Variants in HDAC9 observed in about 807,000 individuals in gnomAD.
The protein encoded by HDAC9 is histone deacetylase 9.
Under a neutral mutation model 139.4 loss-of-function variants are expected in HDAC9, and 41 were observed. The ratio of observed to expected loss-of-function variants is 0.29; its 90% confidence interval spans 0.23 to 0.38. HDAC9 has a LOEUF of 0.38. Ranked by LOEUF, HDAC9 falls within the 10% of genes least tolerant of loss-of-function variation. The pLI is 1.00. For missense variants in HDAC9, 1,147 were observed against 1,297.0 expected, an observed-to-expected ratio of 0.88 and a Z score of 1.78; for synonymous variants, 517 against 476.2, an observed-to-expected ratio of 1.09 and a Z score of -1.12.
intron 24 of HDAC9, among the ~76,000 whole-genome samples, chr7:18,973,962 A>T (rs73067235): frequency 1.3e-5 from 2 of 152,262 alleles, no homozygotes; most frequent in Non-Finnish European, 2.9e-5. Flanking sequence ...ATGCCCCCTG[A>T]TCATCCTCAG....
rs577793857 is a variant in HDAC9, at chr7:18,339,374, T to A, written c.-42+48859T>A. Among the ~76,000 whole-genome samples, 6 of 151,594 alleles carry A rather than the reference T, an allele frequency of 4.0e-5. No individual in the cohort carries two copies. The South Asian group carries it at 1.2e-3, about 31-fold the overall frequency. Reference sequence around the variant, plus strand: ...AGCTGAAGCAATTGGCTTAAGATCTTTCTTCTTTTCTACTATAGGCACTTA... The same window carrying A: ...AGCTGAAGCAATTGGCTTAAGATCTATCTTCTTTTCTACTATAGGCACTTA... On this transcript the variant is annotated intron_variant, in intron 1 of 3. Coordinates refer to the HDAC9 transcript ENST00000413509.
intron 2 of HDAC9, among the ~76,000 whole-genome samples, chr7:18,502,816 A>T (rs1233058140): frequency 6.6e-6 from 1 of 152,218 alleles, no homozygotes; most frequent in African/African-American, 2.4e-5. Context: ...GAGAGTCAAC[A>T]TTGTGGCCTC....
At position 18,936,373 on chromosome 7, in the gene HDAC9, A is replaced by G. The variant is rs77248165; in HGVS notation, c.2937+431A>G. 5.9e-3 allele frequency among the ~76,000 whole-genome samples: 898 copies of G among 152,352 alleles called. 22 individuals carry two copies. Among genetic ancestry groups the G allele is most frequent in the East Asian group, 0.053 (276 of 5,186 alleles). Reference sequence around the variant, plus strand: ...GCTAAGAGGTAGGTATTTCCATCTTACAGATGGTGAGAATGAGTCTCAAAA... The same window carrying G: ...GCTAAGAGGTAGGTATTTCCATCTTGCAGATGGTGAGAATGAGTCTCAAAA... On this transcript the variant is annotated intron_variant, in intron 23 of 25. Coordinates refer to ENST00000686413, the MANE Select transcript of HDAC9 (RefSeq NM_178425.4).
At chr7:18,188,507 A>G (rs1244514967) in intron 2 of HDAC9, among the ~76,000 whole-genome samples, 1 of 152,244 alleles carries the variant, frequency 6.6e-6, no homozygotes, top group African/African-American at 2.4e-5. Context: ...ATGGGATCTA[A>G]TTAAACTAAA....
intron 1 of HDAC9, among the ~76,000 whole-genome samples, chr7:18,384,267 C>T (rs899633331): frequency 3.0e-4 from 46 of 151,584 alleles, no homozygotes; most frequent in African/African-American, 8.3e-4. Context: ...GTCACTGTGC[C>T]GCTGCACTTC....
chr7:18,809,885 T>A (rs114055843), intron 17 of HDAC9, among the ~76,000 whole-genome samples: 1 of 151,958 alleles, frequency 6.6e-6, no homozygotes, highest in South Asian at 2.1e-4. Context: ...TACAGAGGAA[T>A]TGAAATCAGG....
intron 1 of HDAC9, among the ~76,000 whole-genome samples, chr7:18,303,423 G>GTGTGTT (rs1562856311): frequency 9.0e-6 from 1 of 110,874 alleles, no homozygotes; most frequent in African/African-American, 6.8e-5. Flanking sequence ...GTGTGTGTGT[G>GTGTGTT]TTTTTAGTAG....
intron 13 of HDAC9, among the ~76,000 whole-genome samples, chr7:18,747,511 C>T (rs1371877042): frequency 6.6e-6 from 1 of 152,130 alleles, no homozygotes; most frequent in Non-Finnish European, 1.5e-5. Context: ...CTTTTGTAAA[C>T]ATGGGTAATA....
intron 25 of HDAC9, among the ~76,000 whole-genome samples, chr7:18,978,368 A>G (rs949839390): frequency 2.6e-5 from 4 of 152,134 alleles, no homozygotes; most frequent in Admixed American, 2.0e-4. Context: ...AACCATTGTA[A>G]GTATTTTTTG....
intron 1 of HDAC9, among the ~76,000 whole-genome samples, chr7:18,342,141 T>G (rs182536843): frequency 2.4e-4 from 37 of 151,988 alleles, no homozygotes; most frequent in South Asian, 4.1e-4. Flanking sequence ...CCTGCTGATT[T>G]TTCAAGGGAA....
intron 19 of HDAC9, among the ~76,000 whole-genome samples, chr7:18,831,112 G>C (rs529738380): frequency 2.6e-5 from 4 of 152,254 alleles, no homozygotes; most frequent in Non-Finnish European, 5.9e-5. Context: ...AAGGTGATTG[G>C]TCAACAGTTT....
intron 12 of HDAC9, among the ~76,000 whole-genome samples, chr7:18,687,263 T>C (rs895735513): frequency 6.6e-6 from 1 of 151,822 alleles, no homozygotes; most frequent in Admixed American, 6.6e-5. Context: ...AGCTAGTAAA[T>C]AGTACAACCG....
Position 18,096,342 on chromosome 7 carries a change from A to G in HDAC9, c.-97+9129A>G, listed in dbSNP as rs770008266. On this transcript the variant is annotated intron_variant, in intron 1 of 12. Transcript: ENST00000417496. ...ACTTTATTTGTTTAGCAACCTTTCT[A>G]TTCTTTGGTCTCCACTTAGTTTATG... Among the ~76,000 whole-genome samples, 4 of 152,134 alleles carry G rather than the reference A, an allele frequency of 2.6e-5. No homozygotes were observed. In the South Asian group the frequency reaches 6.2e-4, roughly 24 times the overall value.
intron 2 of HDAC9, among the ~76,000 whole-genome samples, chr7:18,212,502 G>C (rs536889399): frequency 2.0e-5 from 3 of 152,260 alleles, no homozygotes; most frequent in African/African-American, 7.2e-5. Flanking sequence ...AGTCCTGGCT[G>C]TATCATTCAC....
chr7:18,183,256 G>A (rs528665750), intron 2 of HDAC9, among the ~76,000 whole-genome samples: 55 of 152,238 alleles, frequency 3.6e-4, no homozygotes, highest in South Asian at 1.5e-3. Flanking sequence ...TGATCCGCCC[G>A]CCTCGGCCTC....
chr7:18,252,245 G>A (rs1204465515), intron 2 of HDAC9, among the ~76,000 whole-genome samples: 2 of 152,170 alleles, frequency 1.3e-5, no homozygotes, highest in South Asian at 2.1e-4. Flanking sequence ...GTCCTGAAGT[G>A]GGGCAGGAGT....
rs1383410472 is a variant in HDAC9, at chr7:18,454,364, A to G, written c.-41-41898A>G. Reference sequence around the variant, plus strand: ...TTTGAATAGCACTTTAAAATTTGCAAAGTGTTATGTTTTCAGATACTTTAC... The same window carrying G: ...TTTGAATAGCACTTTAAAATTTGCAGAGTGTTATGTTTTCAGATACTTTAC... On this transcript the variant is annotated intron_variant, in intron 1 of 3. Transcript: ENST00000413509. Among the ~76,000 whole-genome samples, 7 of 152,062 alleles carry G rather than the reference A, an allele frequency of 4.6e-5. No individual in the cohort carries two copies. The East Asian group carries it at 1.3e-3, about 29-fold the overall frequency.
At chr7:18,165,598 G>A (rs1408658528) in intron 2 of HDAC9, among the ~76,000 whole-genome samples, 1 of 151,966 alleles carries the variant, frequency 6.6e-6, no homozygotes, top group Non-Finnish European at 1.5e-5. Flanking sequence ...ACTAGCCTGG[G>A]CAATATGGTG....
chr7:18,712,418 C>T (rs1784413272), intron 12 of HDAC9, among the ~76,000 whole-genome samples: 1 of 152,140 alleles, frequency 6.6e-6, no homozygotes, highest in Non-Finnish European at 1.5e-5. Context: ...ATGCCATAGT[C>T]ACTTATTCTG....
Sources: gnomAD v4.1 joint callset for allele counts (sites outside exome capture counted in the v4.1 genomes callset) on GRCh38, gnomAD v4.1.1 for gene constraint, MANE v1.5 for transcripts, NCBI Gene and HGNC (gene_info 2026-07-23, HGNC 2026-07-21) for gene names.